GRIN3A: variants seen among roughly 807,000 people sequenced by gnomAD.
The protein encoded by GRIN3A is glutamate receptor ionotropic, NMDA 3A.
In GRIN3A, 47 loss-of-function variants were observed where a neutral mutation model predicts 92.4. That is an observed-to-expected ratio of 0.51 (90% CI 0.40 to 0.65). The LOEUF (loss-of-function observed/expected upper bound fraction) is 0.65, where lower values mean the gene tolerates loss of function less well. Ranked by LOEUF, GRIN3A falls within the 30% of genes least tolerant of loss-of-function variation. The probability of loss-of-function intolerance (pLI) is 0.00; values close to 1 mark genes in which losing one functional copy is unlikely to be tolerated. For synonymous variants in GRIN3A, 527 were observed against 540.6 expected, an observed-to-expected ratio of 0.97 and a Z score of 0.35; for missense variants, 1,324 against 1,393.1, an observed-to-expected ratio of 0.95 and a Z score of 0.79.
chr9:101,657,156 T>A (rs1175631177), intron 3 of GRIN3A, among the ~76,000 whole-genome samples: 1 of 151,908 alleles, frequency 6.6e-6, no homozygotes, highest in Non-Finnish European at 1.5e-5. Flanking sequence ...TGGGGGTACT[T>A]CCAGAATATG....
chr9:101,615,866 C>A (rs967668249), intron 5 of GRIN3A, among the ~76,000 whole-genome samples: 1 of 152,096 alleles, frequency 6.6e-6, no homozygotes, highest in Non-Finnish European at 1.5e-5. Context: ...CATTGATATT[C>A]GGCAAACCTG....
At chr9:101,584,557 T>A (rs897170713) in intron 6 of GRIN3A, among the ~76,000 whole-genome samples, 1 of 152,240 alleles carries the variant, frequency 6.6e-6, no homozygotes, top group Non-Finnish European at 1.5e-5. Flanking sequence ...TACAGGTGTC[T>A]AAGAGTGTTT....
In GRIN3A at chr9:101,672,894, C is replaced by T. The variant is rs553453110; in HGVS notation, c.1305-1787G>A. On this transcript the variant is annotated intron_variant, in intron 2 of 8. Coordinates refer to ENST00000361820, the MANE Select transcript of GRIN3A (RefSeq NM_133445.3). ...TTTTCTGCTTCTTTAGAGAAGGAGC[C>T]AAATCATTAAAATATACAGATTAAT... is the stretch of plus-strand genomic sequence containing the variant. Among the ~76,000 whole-genome samples the T allele has an allele frequency of 2.6e-5, 4 of 152,070 alleles. No individual in the cohort carries two copies. The East Asian group carries it at 7.7e-4, about 29-fold the overall frequency.
At chr9:101,723,855 T>C (rs1044892931) in intron 1 of GRIN3A, among the ~76,000 whole-genome samples, 3 of 151,042 alleles carry the variant, frequency 2.0e-5, no homozygotes, top group Non-Finnish European at 2.9e-5. Context: ...AGAGTGCCGA[T>C]TGGTGTATTT....
At chr9:101,669,690 A>T (rs1321643151) in intron 3 of GRIN3A, among the ~76,000 whole-genome samples, 1 of 152,140 alleles carries the variant, frequency 6.6e-6, no homozygotes, top group African/African-American at 2.4e-5. Context: ...AATTCCCAAG[A>T]TAAGTAATTC....
chr9:101,586,225 C>T (rs574185720), intron 6 of GRIN3A, among the ~76,000 whole-genome samples: 2 of 152,238 alleles, frequency 1.3e-5, no homozygotes, highest in African/African-American at 4.8e-5. Context: ...TCTCTCTTGA[C>T]ATAGTATGTG....
rs150846607 is a variant in GRIN3A at position 101,648,446 on chromosome 9, G to A, written c.2353-20045C>T. Among the ~76,000 whole-genome samples the A allele has an allele frequency of 2.8e-3, 431 of 152,136 alleles. 1 individual carries two copies. The highest frequency in any genetic ancestry group is 1.0e-2 in the African/African-American group (414 of 41,528). The stretch of plus-strand genomic sequence containing the variant: ...AATGTGTATTCTTCAGCTGCTGGAT[G>A]GAATGTTCTGTAAATATTTATCAGG... On this transcript the variant is annotated intron_variant, in intron 3 of 8. Coordinates refer to ENST00000361820, the MANE Select transcript of GRIN3A (RefSeq NM_133445.3).
chr9:101,703,699 C>T (rs1175395846), intron 1 of GRIN3A, among the ~76,000 whole-genome samples: 2 of 152,176 alleles, frequency 1.3e-5, no homozygotes, highest in African/African-American at 4.8e-5. Flanking sequence ...TAAAATTTAT[C>T]TTTCTACTGA....
rs1429410085 is a variant in GRIN3A at position 101,570,467 on chromosome 9, CT to C, written c.*2706del. On this transcript the variant is annotated 3_prime_UTR_variant, in exon 9 of 9. Coordinates refer to ENST00000361820, the MANE Select transcript of GRIN3A (RefSeq NM_133445.3). ...CAAATTGCAAAACACTGTTCAGTTA[CT>C]ACCAATAAAAATAACCATTGCTACT... 1 of 152,652 alleles carries C rather than the reference CT, an allele frequency of 6.6e-6. No individual in the cohort carries two copies. Among genetic ancestry groups the C allele is most frequent in the Non-Finnish European group, 1.5e-5 (1 of 68,040 alleles). The allele number at this position is 152,652 out of a possible 1,614,324, so 9.5% of individuals were successfully genotyped here. A position where few individuals can be genotyped will look rare whatever the true frequency, so the allele number is the denominator to read the frequency against.
intron 6 of GRIN3A, among the ~76,000 whole-genome samples, chr9:101,600,214 A>G (rs1264289731): frequency 1.1e-4 from 16 of 152,212 alleles, no homozygotes. Flanking sequence ...ATCACATAGT[A>G]GGTACAGGAA....
chr9:101,625,512 G>T (rs10119283), intron 4 of GRIN3A, among the ~76,000 whole-genome samples: 4 of 152,240 alleles, frequency 2.6e-5, no homozygotes, highest in African/African-American at 7.2e-5. Flanking sequence ...TTCCCTTTTT[G>T]GTACCAATGA....
chr9:101,584,032 T>G (rs1263683611), intron 6 of GRIN3A, among the ~76,000 whole-genome samples: 2 of 152,140 alleles, frequency 1.3e-5, no homozygotes, highest in African/African-American at 2.4e-5. Context: ...AATTTTTGTA[T>G]TTTTAGTAGA....
At chr9:101,614,609 CTTT>C (rs754003481) in intron 5 of GRIN3A, among the ~76,000 whole-genome samples, 39 of 83,062 alleles carry the variant, frequency 4.7e-4, no homozygotes, top group African/African-American at 1.9e-3. Context: ...ATATGTGATA[CTTT>C]TTTTTTTTTT....
intron 3 of GRIN3A, among the ~76,000 whole-genome samples, chr9:101,631,977 C>T (rs970447025): frequency 1.5e-4 from 23 of 152,168 alleles, no homozygotes; most frequent in Admixed American, 2.6e-4. Flanking sequence ...TCCCCCATGG[C>T]CCTTGGGATG....
intron 1 of GRIN3A, among the ~76,000 whole-genome samples, chr9:101,721,075 T>C (rs1239420752): frequency 2.0e-5 from 3 of 152,186 alleles, no homozygotes; most frequent in Admixed American, 1.3e-4. Flanking sequence ...AAAGAGTACA[T>C]GATATGGTTT....
At chr9:101,576,204 A>G (rs988242141) in intron 8 of GRIN3A, among the ~76,000 whole-genome samples, 1 of 152,210 alleles carries the variant, frequency 6.6e-6, no homozygotes, top group African/African-American at 2.4e-5. Context: ...ATTTAACACT[A>G]AAAATGGGTA....
chr9:101,715,200 T>TAAAAAAAA (rs5899459), intron 1 of GRIN3A, among the ~76,000 whole-genome samples: 22 of 127,666 alleles, frequency 1.7e-4, no homozygotes, highest in Non-Finnish European at 2.9e-4. Context: ...ACAAAAATGG[T>TAAAAAAAA]AAAAAAAAAA....
intron 6 of GRIN3A, among the ~76,000 whole-genome samples, chr9:101,604,998 C>G (rs1016826022): frequency 2.0e-5 from 3 of 152,086 alleles, no homozygotes; most frequent in African/African-American, 7.2e-5. Context: ...TTTGGTGGTC[C>G]TTGGGAATCA....
intron 1 of GRIN3A, among the ~76,000 whole-genome samples, chr9:101,711,604 C>T (rs2485530): frequency 0.93 from 141,163 of 152,198 alleles, 65,751 homozygotes; most frequent in Middle Eastern, 0.99. Flanking sequence ...TTTTCTGTCT[C>T]TGATTTGCTT....
Sources: gnomAD v4.1 joint callset for allele counts (sites outside exome capture counted in the v4.1 genomes callset) on GRCh38, gnomAD v4.1.1 for gene constraint, MANE v1.5 for transcripts, NCBI Gene and HGNC (gene_info 2026-07-23, HGNC 2026-07-21) for gene names.